ZNF532: variants seen among roughly 807,000 people sequenced by gnomAD.
The protein encoded by ZNF532 is zinc finger protein 532.
Under a neutral mutation model 89.3 loss-of-function variants are expected in ZNF532, and 22 were observed. The ratio of observed to expected loss-of-function variants is 0.25; its 90% confidence interval spans 0.18 to 0.35. The LOEUF is 0.35. ZNF532 is among the 10% of genes least tolerant of loss of function. The pLI is 1.00. For synonymous variants in ZNF532, 606 were observed against 649.6 expected (o/e 0.93, Z 1.02); for missense variants, 1,132 against 1,643.4 (o/e 0.69, Z 5.38).
At chr18:58,945,386 C>T (rs192197960) in intron 5 of ZNF532, among the ~76,000 whole-genome samples, 75 of 152,352 alleles carry the variant, frequency 4.9e-4, no homozygotes, top group Non-Finnish European at 9.7e-4. Flanking sequence ...CACCCTTCAT[C>T]ATCGAGGCGA....
At chr18:58,972,424 G>T (rs1407150216) in intron 7 of ZNF532, among the ~76,000 whole-genome samples, 1 of 152,110 alleles carries the variant, frequency 6.6e-6, no homozygotes, top group African/African-American at 2.4e-5. Flanking sequence ...TTTACATTGT[G>T]CAATAAGCAT....
intron 7 of ZNF532, among the ~76,000 whole-genome samples, chr18:58,959,735 T>G (rs1402933638): frequency 6.6e-6 from 1 of 152,174 alleles, no homozygotes; most frequent in Non-Finnish European, 1.5e-5. Context: ...ATGGAAATAT[T>G]TACCACCTAA....
intron 7 of ZNF532, among the ~76,000 whole-genome samples, chr18:58,973,015 T>G (rs985670856): frequency 1.3e-5 from 2 of 152,152 alleles, no homozygotes; most frequent in African/African-American, 4.8e-5. Flanking sequence ...CTTTAATAAT[T>G]AAAAAACAAC....
At chr18:58,920,740 GTGTGTGTGT>G in intron 3 of ZNF532, 107 bp downstream of exon 3, 1 of 13,736 alleles carries the variant, frequency 7.3e-5, no homozygotes, top group East Asian at 2.4e-3. Context: ...ATGGACGTGT[GTGTGTGTGT>G]GTGTGTGTGT....
At chr18:58,874,716 T>G (rs544835793) in intron 2 of ZNF532, among the ~76,000 whole-genome samples, 1 of 152,334 alleles carries the variant, frequency 6.6e-6, no homozygotes, top group African/African-American at 2.4e-5. Context: ...TGGCTGTACT[T>G]TAGGTTGTCT....
At chr18:58,916,703 A>T in intron 2 of ZNF532, 1 of 985,336 alleles carries the variant, frequency 1.0e-6, no homozygotes, top group Non-Finnish European at 1.2e-6. Flanking sequence ...CAAATTCTTC[A>T]GTGTGTTTGG....
chr18:58,883,406 G>C (rs1162560202), intron 2 of ZNF532, among the ~76,000 whole-genome samples: 1 of 152,122 alleles, frequency 6.6e-6, no homozygotes, highest in Non-Finnish European at 1.5e-5. Context: ...GCATCATTTT[G>C]GAGGATGAGA....
chr18:58,892,982 CTTTTT>C (rs58108717), intron 2 of ZNF532, among the ~76,000 whole-genome samples: 17 of 135,288 alleles, frequency 1.3e-4, no homozygotes, highest in African/African-American at 4.2e-4. Flanking sequence ...TTTGTACTTT[CTTTTT>C]TTTTTTTTTT....
chr18:58,897,289 G>C (rs2059313011), intron 2 of ZNF532, among the ~76,000 whole-genome samples: 1 of 152,124 alleles, frequency 6.6e-6, no homozygotes, highest in Non-Finnish European at 1.5e-5. Context: ...AGCTCCCCCT[G>C]CTGCCTTCCC....
intron 3 of ZNF532, 44 bp from the exon 4 acceptor site, chr18:58,934,389 G>A: frequency 3.2e-6 from 5 of 1,573,384 alleles, no homozygotes; most frequent in Non-Finnish European, 4.3e-6. Context: ...ATATTAGAAA[G>A]TACTTAGTAG....
In ZNF532 at chr18:58,918,971, G is replaced by A; in HGVS notation, c.684G>A (p.Lys228=). ...FKVRKAEDKL[K]ESSDKVLENR... ...TCAGAAAAGCAGAGGATAAATTGAA[G>A]GAAAGCTCTGACAAGGTGCTGGAAA... The change falls in exon 3 of 10, where the codon AAG becomes AAA. Residue 228 remains lysine (K), a synonymous_variant. Transcript: ENST00000591808. The A allele has an allele frequency of 6.2e-7, 1 of 1,613,516 alleles. No individual in the cohort carries two copies. The highest frequency in any genetic ancestry group is 1.1e-5 in the South Asian group (1 of 91,080).
At chr18:58,905,948 A>AT (rs1305203027) in intron 2 of ZNF532, among the ~76,000 whole-genome samples, 5 of 151,784 alleles carry the variant, frequency 3.3e-5, no homozygotes, top group Non-Finnish European at 7.4e-5. Flanking sequence ...CACCATTGGG[A>AT]TTTGTCTGAT....
chr18:58,920,949 G>A (rs2061024759), intron 3 of ZNF532, among the ~76,000 whole-genome samples: 1 of 152,050 alleles, frequency 6.6e-6, no homozygotes, highest in Admixed American at 6.6e-5. Flanking sequence ...GGTTGTGGCA[G>A]CAGTGGCGTG....
rs760650267 is a variant in ZNF532 at position 58,951,646 on chromosome 18, G to GTTTTTTTTTTTGGTT, written c.2869-1861_2869-1860insGGTTTTTTTTTTTTT. Among the ~76,000 whole-genome samples the GTTTTTTTTTTTGGTT allele has an allele frequency of 8.8e-4, 64 of 72,582 alleles. 4 individuals carry two copies. The highest frequency in any genetic ancestry group is 1.1e-3 in the Non-Finnish European group (48 of 42,452). The allele number at this position is 72,582 out of a possible 152,430, so 47.6% of individuals were successfully genotyped here. A position where few individuals can be genotyped will look rare whatever the true frequency, so the allele number is the denominator to read the frequency against. On this transcript the variant is annotated intron_variant, in intron 6 of 9. Transcript: ENST00000591808. Reference sequence around the variant, plus strand: ...CAATCACCTCAGCCCTCGCCCTGTTGTTTTTTTTTTTTTTTTTTTTTGAGA... The same window carrying GTTTTTTTTTTTGGTT: ...CAATCACCTCAGCCCTCGCCCTGTTGTTTTTTTTTTTGGTTTTTTTTTTTTTTTTTTTTTTTGAGA...
intron 2 of ZNF532, among the ~76,000 whole-genome samples, chr18:58,871,780 G>A (rs9952384): frequency 0.5 from 76,730 of 152,114 alleles, 20,421 homozygotes; most frequent in African/African-American, 0.67. Flanking sequence ...CAGAGAGCAG[G>A]GCATCTGTAT....
chr18:58,868,121 T>C (rs1211901154), intron 2 of ZNF532, among the ~76,000 whole-genome samples: 1 of 152,204 alleles, frequency 6.6e-6, no homozygotes, highest in Non-Finnish European at 1.5e-5. Flanking sequence ...ACCGTATCCT[T>C]GGTAGAACTC....
intron 2 of ZNF532, among the ~76,000 whole-genome samples, chr18:58,865,961 A>G (rs1007403438): frequency 1.3e-5 from 2 of 152,224 alleles, no homozygotes; most frequent in Non-Finnish European, 2.9e-5. Flanking sequence ...GAGGCAGCCT[A>G]GCCACCTTTT....
At chr18:58,932,672 C>T (rs1472104191) in intron 3 of ZNF532, among the ~76,000 whole-genome samples, 3 of 152,100 alleles carry the variant, frequency 2.0e-5, no homozygotes, top group Non-Finnish European at 1.5e-5. Flanking sequence ...TTTACTGAGC[C>T]TTCGTTTCCT....
At chr18:58,868,410 A>G (rs1358575216) in intron 2 of ZNF532, among the ~76,000 whole-genome samples, 1 of 152,198 alleles carries the variant, frequency 6.6e-6, no homozygotes, top group Non-Finnish European at 1.5e-5. Flanking sequence ...AGAGTCACTT[A>G]TCCACCACCA....
Sources: gnomAD v4.1 joint callset for allele counts (sites outside exome capture counted in the v4.1 genomes callset) on GRCh38, gnomAD v4.1.1 for gene constraint, MANE v1.5 for transcripts, NCBI Gene and HGNC (gene_info 2026-07-23, HGNC 2026-07-21) for gene names.